CAP2: variants seen among roughly 807,000 people sequenced by gnomAD.
CAP2 encodes cyclase associated actin cytoskeleton regulatory protein 2, also known as adenylyl cyclase-associated protein 2.
Under a neutral mutation model 57.7 loss-of-function variants are expected in CAP2, and 24 were observed. The observed-to-expected ratio is 0.42, with a 90% CI of 0.30 to 0.58. CAP2 has a LOEUF of 0.58. Among genes scored for constraint, CAP2 ranks in the 20% least tolerant of loss-of-function variants. CAP2 has a pLI of 0.22. For synonymous variants in CAP2, 194 were observed against 207.2 expected (o/e 0.94, Z 0.55); for missense variants, 501 against 590.3 (o/e 0.85, Z 1.57).
intron 7 of CAP2, among the ~76,000 whole-genome samples, chr6:17,533,078 CAA>C (rs58337644): frequency 2.0e-3 from 176 of 87,550 alleles, no homozygotes; most frequent in Middle Eastern, 7.8e-3. Context: ...CACCCCCCAC[CAA>C]AAAAAAAAAA....
At chr6:17,534,975 A>G (rs1416079223) in intron 7 of CAP2, among the ~76,000 whole-genome samples, 1 of 152,148 alleles carries the variant, frequency 6.6e-6, no homozygotes, top group Admixed American at 6.5e-5. Context: ...GCAAGAGGCC[A>G]GTTTCTAGAA....
intron 3 of CAP2, among the ~76,000 whole-genome samples, chr6:17,427,872 T>G (rs1386225231): frequency 6.6e-6 from 1 of 152,214 alleles, no homozygotes; most frequent in Non-Finnish European, 1.5e-5. Context: ...GACATTATGC[T>G]AAGTGAAATA....
intron 3 of CAP2, among the ~76,000 whole-genome samples, chr6:17,444,269 A>G (rs1458855607): frequency 1.3e-5 from 2 of 152,240 alleles, no homozygotes; most frequent in Admixed American, 6.5e-5. Context: ...TTATTAAGGA[A>G]GAATGGAATC....
intron 3 of CAP2, among the ~76,000 whole-genome samples, chr6:17,444,713 CAT>C (rs1439477009): frequency 6.9e-6 from 1 of 145,366 alleles, no homozygotes; most frequent in Non-Finnish European, 1.5e-5. Context: ...TATTGAGAAA[CAT>C]AGACTATTAT....
chr6:17,425,067 A>T (rs557762556), intron 2 of CAP2, among the ~76,000 whole-genome samples: 155 of 152,364 alleles, frequency 1.0e-3, no homozygotes, highest in African/African-American at 3.6e-3. Context: ...ACATACCTGC[A>T]GAGAGTGTAA....
intron 4 of CAP2, among the ~76,000 whole-genome samples, chr6:17,480,530 G>A (rs1273343789): frequency 6.6e-6 from 1 of 152,144 alleles, no homozygotes; most frequent in African/African-American, 2.4e-5. Context: ...CTGTTGGGGG[G>A]CCCTAGGTAG....
chr6:17,530,880 T>C (rs1762623445), intron 7 of CAP2: 1 of 1,130,376 alleles, frequency 8.8e-7, no homozygotes, highest in Admixed American at 1.8e-5. Context: ...AGAAAAATAA[T>C]CATGGTAGAC....
intron 11 of CAP2, among the ~76,000 whole-genome samples, chr6:17,544,082 GC>G (rs1428546270): frequency 1.4e-5 from 2 of 140,500 alleles, no homozygotes; most frequent in Non-Finnish European, 3.0e-5. Flanking sequence ...CTGAGATTGT[GC>G]CACTGCACTC....
At chr6:17,404,853 T>G (rs1758913754) in intron 1 of CAP2, among the ~76,000 whole-genome samples, 1 of 152,222 alleles carries the variant, frequency 6.6e-6, no homozygotes, top group Non-Finnish European at 1.5e-5. Flanking sequence ...TTTTATTTAT[T>G]TCTTTGTAGG....
intron 7 of CAP2, among the ~76,000 whole-genome samples, chr6:17,524,899 T>TTTC (rs1762470021): frequency 7.1e-5 from 10 of 140,932 alleles, no homozygotes; most frequent in East Asian, 4.1e-4. Flanking sequence ...TTTTCTTTTT[T>TTTC]TTTTTTTTTT....
intron 4 of CAP2, among the ~76,000 whole-genome samples, chr6:17,478,733 A>T (rs1761217540): frequency 6.6e-6 from 1 of 152,024 alleles, no homozygotes; most frequent in Non-Finnish European, 1.5e-5. Context: ...CCCTGATGTC[A>T]TGTCCTCACT....
intron 3 of CAP2, among the ~76,000 whole-genome samples, chr6:17,455,726 G>A (rs769560776): frequency 2.6e-5 from 4 of 151,948 alleles, no homozygotes; most frequent in South Asian, 2.1e-4. Context: ...TAGTAGAGAT[G>A]GGGTTTCACC....
At chr6:17,522,627 C>G (rs1762418147) in intron 7 of CAP2, among the ~76,000 whole-genome samples, 2 of 152,096 alleles carry the variant, frequency 1.3e-5, no homozygotes. Context: ...GTACGTAAGA[C>G]ATGAACAATG....
chr6:17,452,285 T>TA, intron 3 of CAP2, among the ~76,000 whole-genome samples: 1 of 152,248 alleles, frequency 6.6e-6, no homozygotes, highest in Non-Finnish European at 1.5e-5. Flanking sequence ...TCTCATTTCT[T>TA]AACTCTTCGC....
chr6:17,542,110 C>G (rs1762917796), intron 9 of CAP2, among the ~76,000 whole-genome samples: 1 of 152,186 alleles, frequency 6.6e-6, no homozygotes, highest in Non-Finnish European at 1.5e-5. Context: ...TGCACCCCTC[C>G]CAGCCCCTGG....
At chr6:17,418,180 A>G (rs1428898257) in intron 1 of CAP2, among the ~76,000 whole-genome samples, 1 of 152,172 alleles carries the variant, frequency 6.6e-6, no homozygotes, top group Non-Finnish European at 1.5e-5. Context: ...AGAAGGCGGC[A>G]TGATCATCCG....
At chr6:17,434,522 C>G (rs1207128375) in intron 3 of CAP2, among the ~76,000 whole-genome samples, 2 of 152,182 alleles carry the variant, frequency 1.3e-5, no homozygotes, top group Non-Finnish European at 2.9e-5. Flanking sequence ...AGCCACTGCA[C>G]CTGGCCTGAT....
At chr6:17,526,465 G>T (rs933135249) in intron 7 of CAP2, among the ~76,000 whole-genome samples, 1 of 152,022 alleles carries the variant, frequency 6.6e-6, no homozygotes, top group East Asian at 1.9e-4. Context: ...AATGGACAAT[G>T]CATTTTATTC....
intron 7 of CAP2, among the ~76,000 whole-genome samples, chr6:17,531,825 C>G (rs1427506722): frequency 1.3e-5 from 2 of 152,164 alleles, no homozygotes; most frequent in African/African-American, 4.8e-5. Flanking sequence ...CTGAGGAGAG[C>G]TGGTCACTTC....
Sources: allele counts gnomAD v4.1 joint callset (sites outside exome capture counted in the v4.1 genomes callset), GRCh38; gene constraint gnomAD v4.1.1; transcripts MANE v1.5; gene names NCBI Gene and HGNC (gene_info 2026-07-23, HGNC 2026-07-21).